FUCA1: variants seen among roughly 807,000 people sequenced by gnomAD.
FUCA1 encodes alpha-L-fucosidase 1, also known as tissue alpha-L-fucosidase.
Under a neutral mutation model 56.8 loss-of-function variants are expected in FUCA1, and 52 were observed. The observed-to-expected ratio is 0.92, with a 90% CI of 0.73 to 1.15. The LOEUF (loss-of-function observed/expected upper bound fraction) is 1.15. Ranked by LOEUF, FUCA1 falls within the 50% of genes most tolerant of loss-of-function variation. The pLI is 0.00. For missense variants in FUCA1, 568 were observed against 592.6 expected (o/e 0.96, Z 0.43); for synonymous variants, 230 against 226.6 (o/e 1.02, Z -0.14).
intron 6 of FUCA1, 100 bp downstream of exon 6, chr1:23,848,549 G>T (rs1469689684): frequency 2.6e-6 from 3 of 1,173,512 alleles, no homozygotes; most frequent in Admixed American, 3.4e-5. Context: ...TTTTCTCAAG[G>T]CAACTTCCAG....
rs906734244 is a variant in FUCA1 at position 23,865,608 on chromosome 1, G to A, written c.407C>T (p.Thr136Ile). ...GTTTGTGAAGCCTTCGTGATGCTTT[G>A]TCGTCAAAACTACATACCTGTGGAC... ...AAGAKYVVLT[T>I]KHHEGFTNWP... The change falls in exon 2 of 8, where the codon ACA (threonine) becomes ATA (isoleucine). Residue 136 changes from threonine to isoleucine, a missense_variant. By Grantham distance (89) the Thr-to-Ile change is moderately conservative (BLOSUM62 -1). Coordinates refer to ENST00000374479, the MANE Select transcript of FUCA1 (RefSeq NM_000147.5). The A allele has an allele frequency of 3.1e-6, 5 of 1,614,094 alleles. No individual in the cohort carries two copies. The highest frequency in any genetic ancestry group is 4.2e-6 in the Non-Finnish European group (5 of 1,180,046).
chr1:23,867,381 A>G lies in FUCA1; in HGVS notation c.389+517T>C, dbSNP rs1639645682. ...AGGGATTGAGAGGAGCAAACGAATG[A>G]CTATCTGTACTGTTGCCCAAATACA... On this transcript the variant is annotated intron_variant, in intron 1 of 7. Transcript: ENST00000374479. The surrounding 1 kb of genome is among the most constrained non-coding windows in gnomAD (Gnocchi z 4.9). 6.6e-6 allele frequency among the ~76,000 whole-genome samples: 1 copy of G among 152,138 alleles called. No individual in the cohort carries two copies. Among genetic ancestry groups the G allele is most frequent in the Non-Finnish European group, 1.5e-5 (1 of 68,026 alleles).
rs370227713 is a variant in FUCA1 at position 23,867,332 on chromosome 1, C to T, written c.389+566G>A. On this transcript the variant is annotated intron_variant, in intron 1 of 7. Coordinates refer to ENST00000374479, the MANE Select transcript of FUCA1 (RefSeq NM_000147.5). This position sits in a 1 kb window ranked among gnomAD's most constrained non-coding sequence, Gnocchi z 4.9. ...AACAGTTCTCAGAGAGAGTCAGACCCTTCCTGGACACTTCCTACGTAAAAG... is the reference window on the plus strand; with the variant it reads ...AACAGTTCTCAGAGAGAGTCAGACCTTTCCTGGACACTTCCTACGTAAAAG... 1.3e-5 allele frequency among the ~76,000 whole-genome samples: 2 copies of T among 152,192 alleles called. No individual in the cohort carries two copies. Among genetic ancestry groups the T allele is most frequent in the African/African-American group, 4.8e-5 (2 of 41,448 alleles).
chr1:23,867,444 A>G lies in FUCA1; in HGVS notation c.389+454T>C, dbSNP rs181454786. ...ACTCCCCTCTCTTTCCCTCTTAGAG[A>G]CATTAGGGCTCAAAGGGTTGTATCC... On this transcript the variant is annotated intron_variant, in intron 1 of 7. Coordinates refer to ENST00000374479, the MANE Select transcript of FUCA1 (RefSeq NM_000147.5). This position sits in a 1 kb window ranked among gnomAD's most constrained non-coding sequence, Gnocchi z 4.9. 1.6e-4 allele frequency among the ~76,000 whole-genome samples: 25 copies of G among 152,264 alleles called. No homozygotes were observed. Among genetic ancestry groups the G allele is most frequent in the African/African-American group, 6.0e-4 (25 of 41,560 alleles).
chr1:23,865,010 T>C (rs1261744583), intron 2 of FUCA1, among the ~76,000 whole-genome samples: 1 of 152,124 alleles, frequency 6.6e-6, no homozygotes, highest in Non-Finnish European at 1.5e-5. Flanking sequence ...ACCAGTGAAC[T>C]CTTAAAGATC....
chr1:23,858,815 T>C (rs1639447282), intron 4 of FUCA1, among the ~76,000 whole-genome samples: 1 of 152,328 alleles, frequency 6.6e-6, no homozygotes, highest in Admixed American at 6.5e-5. Context: ...TGGCGTGATC[T>C]AGGTTCATTA....
intron 3 of FUCA1, among the ~76,000 whole-genome samples, chr1:23,861,278 G>C (rs1284880113): frequency 9.5e-5 from 13 of 136,198 alleles, no homozygotes; most frequent in Non-Finnish European, 1.4e-4. Flanking sequence ...AGCCGAGATT[G>C]CGCCACTGTA....
At chr1:23,851,305 A>C (rs1639251101) in intron 5 of FUCA1, among the ~76,000 whole-genome samples, 1 of 152,020 alleles carries the variant, frequency 6.6e-6, no homozygotes, top group Admixed American at 6.6e-5. Context: ...CGGCGGTTGC[A>C]GCAGACCGAG....
chr1:23,863,184 C>G lies in FUCA1; in HGVS notation c.612G>C (p.Gln204His), dbSNP rs1390097477. The G allele has an allele frequency of 5.0e-6, 8 of 1,613,938 alleles. No individual in the cohort carries two copies. The highest frequency in any genetic ancestry group is 6.8e-6 in the Non-Finnish European group (8 of 1,180,002). Residue 204 changes from glutamine to histidine, a missense_variant, in exon 3 of 8, where the codon CAG (glutamine) becomes CAC (histidine). By Grantham distance (24) the Gln-to-His change is conservative. Transcript: ENST00000374479. ...GCATTGTTTTTGCACTGACAAAATG[C>G]TGTGTTTTGAAGCCATTTTTCTTAT... is the stretch of plus-strand genomic sequence containing the variant. ...LLDKKNGFKT[Q>H]HFVSAKTMPE...
In FUCA1 at chr1:23,858,472, G is replaced by A. The variant is rs147525471; in HGVS notation, c.768+1326C>T. Among the ~76,000 whole-genome samples, 542 of 152,272 alleles carry A rather than the reference G, an allele frequency of 3.6e-3. 3 individuals carry two copies. Among genetic ancestry groups the A allele is most frequent in the Non-Finnish European group, 3.1e-3 (214 of 68,028 alleles). ...CAACAAATCTAGAACATGTACAATC[G>A]TGAAATTTGCTACAGTGAAGATTAG... On this transcript the variant is annotated intron_variant, in intron 4 of 7. Transcript: ENST00000374479.
intron 5 of FUCA1, 54 bp from the exon 6 acceptor site, chr1:23,848,893 A>G (rs1218467680): frequency 1.4e-6 from 2 of 1,410,146 alleles, no homozygotes; most frequent in African/African-American, 2.8e-5. Context: ...GCCTGGCATC[A>G]TGCTTAAAAT....
chr1:23,856,581 A>T (rs1557511222), intron 4 of FUCA1, among the ~76,000 whole-genome samples: 1 of 152,220 alleles, frequency 6.6e-6, no homozygotes, highest in Non-Finnish European at 1.5e-5. Flanking sequence ...ACCGGCTCTC[A>T]ATAAATCCTG....
chr1:23,853,439 T>C (rs1052491705), intron 5 of FUCA1, among the ~76,000 whole-genome samples: 2 of 138,302 alleles, frequency 1.4e-5, no homozygotes, highest in African/African-American at 2.9e-5. Flanking sequence ...GGGAGGGAGG[T>C]GGGGGGGTCA....
intron 2 of FUCA1, among the ~76,000 whole-genome samples, chr1:23,864,707 T>C (rs1343415724): frequency 9.2e-6 from 1 of 108,850 alleles, no homozygotes; most frequent in African/African-American, 3.7e-5. Flanking sequence ...GTCTTTTTTC[T>C]TTTTTTTTTT....
intron 3 of FUCA1, among the ~76,000 whole-genome samples, chr1:23,860,792 C>G (rs1048545420): frequency 6.6e-6 from 1 of 151,452 alleles, no homozygotes; most frequent in Non-Finnish European, 1.5e-5. Flanking sequence ...GTGTGCACCA[C>G]CATGCCTGAC....
Position 23,845,416 on chromosome 1 carries a change from A to C in FUCA1, c.*299T>G, listed in dbSNP as rs1365623579. Reference sequence around the variant, plus strand: ...ATTGAGTAAGCAAGTAGGTTATCAGAGAACAGAGGGAAGATTCCATTGTAG... The same window carrying C: ...ATTGAGTAAGCAAGTAGGTTATCAGCGAACAGAGGGAAGATTCCATTGTAG... On this transcript the variant is annotated 3_prime_UTR_variant, in exon 8 of 8. Coordinates refer to ENST00000374479, the MANE Select transcript of FUCA1 (RefSeq NM_000147.5). The C allele has an allele frequency of 2.4e-6, 1 of 425,322 alleles. No homozygotes were observed. The highest frequency in any genetic ancestry group is 4.4e-6 in the Non-Finnish European group (1 of 228,316). The allele number at this position is 425,322 out of a possible 1,614,324, so 26.3% of individuals were successfully genotyped here.
At chr1:23,856,940 C>T (rs1047739594) in intron 4 of FUCA1, among the ~76,000 whole-genome samples, 2 of 151,010 alleles carry the variant, frequency 1.3e-5, no homozygotes, top group African/African-American at 2.4e-5. Flanking sequence ...TGCAGTGAGC[C>T]GAGATCGTGC....
At chr1:23,854,087 T>A (rs1639339384) in intron 5 of FUCA1, among the ~76,000 whole-genome samples, 4 of 151,630 alleles carry the variant, frequency 2.6e-5, no homozygotes, top group Admixed American at 6.6e-5. Context: ...AATAAATAAA[T>A]AAATAAAAAA....
intron 4 of FUCA1, 65 bp downstream of exon 4, chr1:23,859,733 A>C (rs892076108): frequency 1.0e-6 from 1 of 976,250 alleles, no homozygotes; most frequent in Non-Finnish European, 1.7e-6. Context: ...TGTCTACTCC[A>C]GAGTTTGGCT....
Sources: gnomAD v4.1 joint callset for allele counts (sites outside exome capture counted in the v4.1 genomes callset) on GRCh38, gnomAD v4.1.1 for gene constraint, Gnocchi (gnomAD v3.1) non-coding constraint, MANE v1.5 for transcripts, NCBI Gene and HGNC (gene_info 2026-07-23, HGNC 2026-07-21) for gene names.